KAZN: variants seen among roughly 807,000 people sequenced by gnomAD.
KAZN encodes the protein kazrin.
KAZN carries 40 observed loss-of-function variants against 87.4 expected under a neutral mutation model. The ratio of observed to expected loss-of-function variants is 0.46; its 90% confidence interval spans 0.36 to 0.60. The LOEUF is 0.60. Among genes scored for constraint, KAZN ranks in the 20% least tolerant of loss-of-function variants. The probability of loss-of-function intolerance (pLI) is 0.00; values close to 1 mark genes in which losing one functional copy is unlikely to be tolerated. For synonymous variants in KAZN, 466 were observed against 458.3 expected (o/e 1.02, Z -0.22); for missense variants, 898 against 1,073.9 (o/e 0.84, Z 2.29).
intron 2 of KAZN, among the ~76,000 whole-genome samples, chr1:14,350,065 C>A (rs148110122): frequency 4.8e-5 from 7 of 144,944 alleles, no homozygotes; most frequent in Admixed American, 2.2e-4. Flanking sequence ...ACCTGGGAGG[C>A]GGAGCTTGCA....
intron 2 of KAZN, among the ~76,000 whole-genome samples, chr1:14,379,581 AGG>A: frequency 6.6e-6 from 1 of 152,220 alleles, no homozygotes; most frequent in Non-Finnish European, 1.5e-5. Context: ...TTGGACCTTA[AGG>A]GTATATTGAT....
chr1:14,634,260 C>T (rs1018939941), intron 1 of KAZN, among the ~76,000 whole-genome samples: 8 of 152,178 alleles, frequency 5.3e-5, no homozygotes, highest in African/African-American at 7.2e-5. Flanking sequence ...CCTGTCCCCA[C>T]GAGTATGTAT....
chr1:14,397,636 C>T (rs1366425719), intron 2 of KAZN, among the ~76,000 whole-genome samples: 2 of 151,944 alleles, frequency 1.3e-5, no homozygotes, highest in East Asian at 1.9e-4. Flanking sequence ...GCGGGCGGAT[C>T]ACCTGAGGTC....
chr1:14,928,646 T>C (rs1659447181), intron 1 of KAZN, among the ~76,000 whole-genome samples: 1 of 152,198 alleles, frequency 6.6e-6, no homozygotes, highest in South Asian at 2.1e-4. Context: ...GAGAAGAACT[T>C]GTGCTGGGAC....
At chr1:14,391,943 A>G (rs1450040717) in intron 2 of KAZN, among the ~76,000 whole-genome samples, 1 of 152,190 alleles carries the variant, frequency 6.6e-6, no homozygotes, top group Non-Finnish European at 1.5e-5. Context: ...ACTTGCACTC[A>G]TAATTCTCTG....
chr1:14,412,509 T>C (rs1664389123), intron 2 of KAZN, among the ~76,000 whole-genome samples: 1 of 152,114 alleles, frequency 6.6e-6, no homozygotes, highest in South Asian at 2.1e-4. Context: ...AATTAGCAAG[T>C]AGTTCTAAAA....
At chr1:14,191,378 G>A (rs1646416619) in intron 2 of KAZN, among the ~76,000 whole-genome samples, 1 of 152,088 alleles carries the variant, frequency 6.6e-6, no homozygotes, top group Admixed American at 6.5e-5. Flanking sequence ...TGAGACATGG[G>A]TCTAGGATGA....
intron 1 of KAZN, among the ~76,000 whole-genome samples, chr1:14,697,790 G>T (rs1018341112): frequency 1.3e-4 from 20 of 152,342 alleles, no homozygotes; most frequent in African/African-American, 2.6e-4. Flanking sequence ...GGTCTCAGGG[G>T]CCTAGCCCCA....
chr1:14,893,637 C>G (rs1654960534), intron 1 of KAZN, among the ~76,000 whole-genome samples: 1 of 152,136 alleles, frequency 6.6e-6, no homozygotes, highest in Admixed American at 6.5e-5. Flanking sequence ...TGGAAAATCT[C>G]CTTCTGACCA....
At chr1:14,700,332 C>T (rs571728220) in intron 1 of KAZN, among the ~76,000 whole-genome samples, 1 of 152,114 alleles carries the variant, frequency 6.6e-6, no homozygotes, top group East Asian at 1.9e-4. Context: ...ATTAGTTGGC[C>T]ATGGTGGTGT....
At chr1:14,419,882 G>C (rs779807500) in intron 2 of KAZN, among the ~76,000 whole-genome samples, 1 of 152,158 alleles carries the variant, frequency 6.6e-6, no homozygotes, top group Non-Finnish European at 1.5e-5. Context: ...CACAGACAGT[G>C]AGACCCCAAA....
chr1:15,068,481 G>C (rs1639362247), intron 8 of KAZN, among the ~76,000 whole-genome samples: 1 of 151,984 alleles, frequency 6.6e-6, no homozygotes, highest in Admixed American at 6.6e-5. Flanking sequence ...TTCTCCCCCT[G>C]AGCTCCTTCC....
intron 1 of KAZN, among the ~76,000 whole-genome samples, chr1:14,607,301 G>A (rs1270940413): frequency 6.6e-6 from 1 of 152,162 alleles, no homozygotes; most frequent in Admixed American, 6.5e-5. Flanking sequence ...TCATTTTACA[G>A]ATGAGAAAGT....
intron 2 of KAZN, among the ~76,000 whole-genome samples, chr1:14,418,475 C>T (rs990967861): frequency 3.3e-5 from 5 of 151,976 alleles, no homozygotes; most frequent in Admixed American, 2.6e-4. Context: ...TAACATTCTA[C>T]CTCTATGTTG....
chr1:14,331,183 C>T (rs556392149), intron 2 of KAZN, among the ~76,000 whole-genome samples: 1 of 152,212 alleles, frequency 6.6e-6, no homozygotes, highest in Admixed American at 6.5e-5. Context: ...GTTTTGGGCT[C>T]TGGCCTAGCA....
chr1:14,267,133 A>T (rs1229426851), intron 2 of KAZN, among the ~76,000 whole-genome samples: 1 of 150,642 alleles, frequency 6.6e-6, no homozygotes, highest in Non-Finnish European at 1.5e-5. Flanking sequence ...ATGAAACAAC[A>T]TTGAGGATCT....
intron 2 of KAZN, among the ~76,000 whole-genome samples, chr1:14,518,536 G>A (rs879583917): frequency 1.3e-5 from 2 of 152,148 alleles, no homozygotes; most frequent in Admixed American, 1.3e-4. Flanking sequence ...GCTGATTAGA[G>A]TCCCAGGTGA....
At chr1:14,558,358 C>T (rs774523812) in intron 2 of KAZN, among the ~76,000 whole-genome samples, 3 of 152,190 alleles carry the variant, frequency 2.0e-5, no homozygotes, top group East Asian at 1.9e-4. Context: ...CAGGAGCATG[C>T]AACCTCCCAA....
At chr1:14,924,181 C>G (rs1261601701) in intron 1 of KAZN, 1 of 981,864 alleles carries the variant, frequency 1.0e-6, no homozygotes, top group Non-Finnish European at 1.2e-6. Context: ...GTGCAGCAGG[C>G]GCGGACCGCC....
Sources: gnomAD v4.1 joint callset for allele counts (sites outside exome capture counted in the v4.1 genomes callset) on GRCh38, gnomAD v4.1.1 for gene constraint, MANE v1.5 for transcripts, NCBI Gene and HGNC (gene_info 2026-07-23, HGNC 2026-07-21) for gene names.